Variants in LHX8 observed in about 807,000 individuals in gnomAD.
LHX8 encodes LIM homeobox 8.
Under a neutral mutation model 40.3 loss-of-function variants are expected in LHX8, and 12 were observed. That is an observed-to-expected ratio of 0.30 (90% CI 0.19 to 0.48). The LOEUF (loss-of-function observed/expected upper bound fraction) is 0.48, where lower values mean the gene tolerates loss of function less well. LHX8 is among the 20% of genes least tolerant of loss of function. The pLI is 0.99. For synonymous variants in LHX8, 179 were observed against 162.0 expected (o/e 1.10, Z -0.80); for missense variants, 344 against 433.7 (o/e 0.79, Z 1.84).
At chr1:75,195,679 C>T in the LHX8 span, among the ~76,000 whole-genome samples, 1 of 152,098 alleles carries the variant, frequency 6.6e-6, no homozygotes, top group Non-Finnish European at 1.5e-5. Flanking sequence ...CACTCATCAA[C>T]AATTGCATGC....
chr1:75,130,816 C>A, upstream of LHX8: 1 of 1,330,576 alleles, frequency 7.5e-7, no homozygotes, highest in Non-Finnish European at 1.1e-6. Context: ...ACGTGATGGG[C>A]AAAAATCCAA....
At chr1:75,197,430 A>T in the LHX8 span, among the ~76,000 whole-genome samples, 1 of 152,312 alleles carries the variant, frequency 6.6e-6, no homozygotes, top group African/African-American at 2.4e-5. Flanking sequence ...AAAATCAAAA[A>T]TTTAAATTTG....
intron 7 of LHX8, 86 bp downstream of exon 7, chr1:75,148,768 C>T (rs1570296471): frequency 1.1e-6 from 1 of 930,516 alleles, no homozygotes; most frequent in Non-Finnish European, 1.7e-6. Flanking sequence ...ATCTTGAACT[C>T]TTGAGCTTAA....
chr1:75,159,282 G>A (rs1648852337), intron 8 of LHX8: 2 of 152,048 alleles, frequency 1.3e-5, no homozygotes, highest in Non-Finnish European at 2.9e-5. Flanking sequence ...GAAAATAAAC[G>A]TCTTTTTTCC....
At chr1:75,184,554 G>T in the LHX8 span, among the ~76,000 whole-genome samples, 1 of 152,116 alleles carries the variant, frequency 6.6e-6, no homozygotes, top group African/African-American at 2.4e-5. Context: ...CAGAAATCAA[G>T]TTCTTTGAAA....
chr1:75,148,686 ATTACT>A lies in LHX8; in HGVS notation c.780+12_780+16del, dbSNP rs1648527226. 1.3e-6 allele frequency: 2 copies of A among 1,572,714 alleles called. No individual in the cohort carries two copies. The highest frequency in any genetic ancestry group is 3.4e-5 in the Admixed American group (2 of 57,984). On this transcript the variant is annotated splice_donor_5th_base_variant and intron_variant, in intron 7 of 8. Transcript: ENST00000356261. ...CTTGAGCAGACGTGTGATACAGGTG[ATTACT>A]TTACTTTTTTTTTTTTTTAAGGTTT... is the stretch of plus-strand genomic sequence containing the variant.
chr1:75,164,551 G>A (rs892117643), downstream of LHX8, among the ~76,000 whole-genome samples: 2 of 152,086 alleles, frequency 1.3e-5, no homozygotes, highest in African/African-American at 4.8e-5. Flanking sequence ...ACCAAATGTT[G>A]CACTAAATTA....
chr1:75,143,903 A>G lies in LHX8; in HGVS notation c.639A>G (p.Lys213=), dbSNP rs910199721. 4 of 1,613,430 alleles carry G rather than the reference A, an allele frequency of 2.5e-6. No homozygotes were observed. The Admixed American group carries it at 6.7e-5, about 27-fold the overall frequency. Residue 213 remains lysine, a synonymous_variant, in exon 6 of 9, where the codon AAA becomes AAG. Transcript: ENST00000356261. ...CAGAGCAAGATGTTAACCATCCAAA[A>G]CCAGCAAAAAGAGCTCGGACCAGCT... is the stretch of plus-strand genomic sequence containing the variant. ...LLTEQDVNHP[K]PAKRARTSFT...
chr1:75,184,443 A>G, the LHX8 span, among the ~76,000 whole-genome samples: 1 of 152,228 alleles, frequency 6.6e-6, no homozygotes, highest in Non-Finnish European at 1.5e-5. Context: ...ATGCAATAAA[A>G]TTAGAAATCA....
At chr1:75,184,274 T>C in the LHX8 span, among the ~76,000 whole-genome samples, 1 of 152,192 alleles carries the variant, frequency 6.6e-6, no homozygotes, top group Non-Finnish European at 1.5e-5. Context: ...ATGGATCTGA[T>C]AGATCTCTAC....
the LHX8 span, among the ~76,000 whole-genome samples, chr1:75,187,593 T>C: frequency 6.6e-6 from 1 of 152,134 alleles, no homozygotes; most frequent in Non-Finnish European, 1.5e-5. Context: ...ATTTGAGTCT[T>C]GCTGCTTCTG....
chr1:75,138,844 A>G (rs189040208), intron 3 of LHX8, among the ~76,000 whole-genome samples: 1 of 152,270 alleles, frequency 6.6e-6, no homozygotes, highest in East Asian at 1.9e-4. Context: ...TGAGTTACAT[A>G]AAGCTTTCCT....
chr1:75,184,054 G>A, the LHX8 span, among the ~76,000 whole-genome samples: 15 of 152,184 alleles, frequency 9.9e-5, no homozygotes, highest in South Asian at 6.2e-4. Context: ...ATGGTAAAGA[G>A]TGCAATTCAA....
chr1:75,134,601 A>G lies in LHX8; in HGVS notation c.-366A>G, dbSNP rs1156769209. Among the ~76,000 whole-genome samples, 1 of 151,990 alleles carries G rather than the reference A, an allele frequency of 6.6e-6. No homozygotes were observed. Among genetic ancestry groups the G allele is most frequent in the Non-Finnish European group, 1.5e-5 (1 of 67,994 alleles). ...TGACCCTCTGGAGTTGGTATGTGAT[A>G]AGCAGCCCTAGCAGTGCCATGTATT... On this transcript the variant is annotated 5_prime_UTR_variant, in exon 1 of 9. It adds an upstream start codon to the 5' untranslated region. Transcript: ENST00000356261.
chr1:75,170,775 T>A, the LHX8 span, among the ~76,000 whole-genome samples: 1 of 152,152 alleles, frequency 6.6e-6, no homozygotes, highest in Non-Finnish European at 1.5e-5. Flanking sequence ...CAGCAGATGG[T>A]CAGAGATCAC....
At chr1:75,185,558 G>A in the LHX8 span, among the ~76,000 whole-genome samples, 3 of 151,810 alleles carry the variant, frequency 2.0e-5, no homozygotes, top group Non-Finnish European at 4.4e-5. Flanking sequence ...AATAATAAGC[G>A]CCATCTATGG....
the LHX8 span, among the ~76,000 whole-genome samples, chr1:75,179,515 T>TG: frequency 6.7e-6 from 1 of 149,376 alleles, no homozygotes; most frequent in Non-Finnish European, 1.5e-5. Context: ...TTTTTTTTTT[T>TG]TTTTTTTCTG....
At chr1:75,142,436 A>G (rs1049690041) in intron 4 of LHX8, among the ~76,000 whole-genome samples, 2 of 152,144 alleles carry the variant, frequency 1.3e-5, no homozygotes, top group Non-Finnish European at 2.9e-5. Flanking sequence ...TAGCTTTGGT[A>G]TTTTAAGATT....
At chr1:75,161,772 G>T (rs757011223), downstream of LHX8, among the ~76,000 whole-genome samples, 3 of 151,896 alleles carry the variant, frequency 2.0e-5, no homozygotes, top group Non-Finnish European at 2.9e-5. Context: ...TTTCAGAATG[G>T]ACTTCGGAGG....
Sources: gnomAD v4.1 joint callset for allele counts (sites outside exome capture counted in the v4.1 genomes callset) on GRCh38, gnomAD v4.1.1 for gene constraint, MANE v1.5 for transcripts, NCBI Gene and HGNC (gene_info 2026-07-23, HGNC 2026-07-21) for gene names.